The following HIPK3 variants were observed in gnomAD, a reference collection of about 807,000 sequenced individuals.
HIPK3 encodes the protein homeodomain interacting protein kinase 3.
HIPK3 carries 47 observed loss-of-function variants against 124.2 expected under a neutral mutation model. The observed-to-expected ratio is 0.38, with a 90% confidence interval of 0.30 to 0.48. HIPK3 has a LOEUF of 0.48. Among genes scored for constraint, HIPK3 ranks in the 20% least tolerant of loss-of-function variants. The probability of loss-of-function intolerance (pLI) is 0.98; values close to 1 mark genes in which losing one functional copy is unlikely to be tolerated. For missense variants in HIPK3, 1,286 were observed against 1,454.3 expected (o/e 0.88, Z 1.88); for synonymous variants, 482 against 515.2 (o/e 0.94, Z 0.87).
chr11:33,336,460 C>G (rs1449078080), intron 3 of HIPK3, among the ~76,000 whole-genome samples: 1 of 152,196 alleles, frequency 6.6e-6, no homozygotes. Flanking sequence ...CCTCTCTATT[C>G]CCATTCAGTC....
At chr11:33,323,404 T>G (rs1003102566) in intron 2 of HIPK3, among the ~76,000 whole-genome samples, 1 of 152,190 alleles carries the variant, frequency 6.6e-6, no homozygotes, top group Non-Finnish European at 1.5e-5. Context: ...CCACCACACC[T>G]GGCTAATTTT....
chr11:33,345,295 TA>T (rs769300199), intron 8 of HIPK3, among the ~76,000 whole-genome samples: 10 of 152,186 alleles, frequency 6.6e-5, no homozygotes, highest in Admixed American at 1.3e-4. Context: ...ACAACTACTA[TA>T]TTAGAGTAAA....
chr11:33,306,570 CT>C (rs1467480634), intron 2 of HIPK3, among the ~76,000 whole-genome samples: 2 of 152,184 alleles, frequency 1.3e-5, no homozygotes, highest in African/African-American at 4.8e-5. Flanking sequence ...TATTCACAGG[CT>C]TATAATTTTA....
intron 2 of HIPK3, among the ~76,000 whole-genome samples, chr11:33,325,723 C>G (rs946206604): frequency 3.3e-5 from 5 of 152,094 alleles, no homozygotes; most frequent in African/African-American, 1.2e-4. Context: ...TTACAAGGTT[C>G]TAGGTACACA....
chr11:33,295,283 C>CG (rs1554963988), intron 2 of HIPK3, among the ~76,000 whole-genome samples: 4 of 149,202 alleles, frequency 2.7e-5, no homozygotes, highest in South Asian at 2.1e-4. Flanking sequence ...CACCGCCCCC[C>CG]CCCCACAACT....
chr11:33,321,023 A>G (rs1257504880), intron 2 of HIPK3, among the ~76,000 whole-genome samples: 1 of 152,206 alleles, frequency 6.6e-6, no homozygotes, highest in African/African-American at 2.4e-5. Context: ...ATAGATTCCC[A>G]AAGACTGAGC....
intron 1 of HIPK3, among the ~76,000 whole-genome samples, chr11:33,267,269 C>T (rs558371941): frequency 6.6e-5 from 10 of 151,734 alleles, no homozygotes; most frequent in South Asian, 6.2e-4. Context: ...ACTGCCACCA[C>T]GCCCGGCTAA....
At chr11:33,339,282 A>G in intron 5 of HIPK3, 68 bp from the exon 6 acceptor site, 1 of 1,192,368 alleles carries the variant, frequency 8.4e-7, no homozygotes, top group South Asian at 1.4e-5. Flanking sequence ...TTATTTTTTA[A>G]CGGTGGAATT....
chr11:33,347,782 A>G (rs1306747791), intron 10 of HIPK3, 29 bp downstream of exon 10: 2 of 1,612,916 alleles, frequency 1.2e-6, no homozygotes, highest in African/African-American at 1.3e-5. Context: ...TACTTTGTGA[A>G]TAGTTTGCAG....
At position 33,351,887 on chromosome 11, in the gene HIPK3, G is replaced by T. The variant is rs375113529; in HGVS notation, c.3043+44G>T. On this transcript the variant is annotated intron_variant, in intron 15 of 16. Coordinates refer to ENST00000303296, the MANE Select transcript of HIPK3 (RefSeq NM_005734.5). ...TTTCTCTGGTTGTCCTTTAAATACG[G>T]TCTTAATTTAGGAAAATCTGAGAAT... 2.5e-5 allele frequency: 37 copies of T among 1,483,038 alleles called. No individual in the cohort carries two copies. In the African/African-American group the frequency reaches 5.0e-4, roughly 20 times the overall value. 91.9% of individuals were successfully genotyped at this position (1,483,038 alleles called of 1,614,324 possible). A position where few individuals can be genotyped will look rare whatever the true frequency, so the allele number is the denominator to read the frequency against.
At position 33,348,792 on chromosome 11, in the gene HIPK3, G is replaced by A. The variant is rs751541937; in HGVS notation, c.2640G>A (p.Glu880=). 3 of 1,613,848 alleles carry A rather than the reference G, an allele frequency of 1.9e-6. No homozygotes were observed. Among genetic ancestry groups the A allele is most frequent in the Non-Finnish European group, 2.5e-6 (3 of 1,179,868 alleles). Residue 880 remains glutamate, a synonymous_variant, in exon 13 of 17, where the codon GAG becomes GAA. Coordinates refer to ENST00000303296, the MANE Select transcript of HIPK3 (RefSeq NM_005734.5). Reference sequence around the variant, plus strand: ...TCAGCAGTGACACTGATGAGGAAGAGACTTCCCAGAGACATTCACTCAGAG... The same window carrying A: ...TCAGCAGTGACACTGATGAGGAAGAAACTTCCCAGAGACATTCACTCAGAG... The part of the protein sequence containing the change: ...ITISSDTDEE[E]TSQRHSLREC...
At chr11:33,327,543 T>G (rs1321437360) in intron 2 of HIPK3, among the ~76,000 whole-genome samples, 1 of 152,212 alleles carries the variant, frequency 6.6e-6, no homozygotes, top group Non-Finnish European at 1.5e-5. Flanking sequence ...AGTCTGAAGC[T>G]TAGAAGGTGG....
In HIPK3 at chr11:33,288,275, A is replaced by G. The variant is rs1851609358; in HGVS notation, c.1097+764A>G. ...CAAGACCAGCCTGGCCAACATGGCGAAACCCCCATCTCTACTAAAAATAAC... is the reference window on the plus strand; with the variant it reads ...CAAGACCAGCCTGGCCAACATGGCGGAACCCCCATCTCTACTAAAAATAAC... On this transcript the variant is annotated intron_variant, in intron 2 of 16. Coordinates refer to ENST00000303296, the MANE Select transcript of HIPK3 (RefSeq NM_005734.5). 3.3e-5 allele frequency among the ~76,000 whole-genome samples: 5 copies of G among 152,114 alleles called. No individual in the cohort carries two copies. The South Asian group carries it at 1.0e-3, about 32-fold the overall frequency.
Position 33,340,828 on chromosome 11 carries a change from A to G in HIPK3, c.1614-140A>G, listed in dbSNP as rs1853310542. On this transcript the variant is annotated intron_variant, in intron 6 of 16. Coordinates refer to ENST00000303296, the MANE Select transcript of HIPK3 (RefSeq NM_005734.5). ...TTTCTGGTAAGATTTCCTGTTAGAA[A>G]TACTATTGGAAATAAGCAGATTAAG... is the stretch of plus-strand genomic sequence containing the variant. 8.2e-6 allele frequency: 4 copies of G among 485,040 alleles called. No homozygotes were observed. In the East Asian group the frequency reaches 1.3e-4, roughly 16 times the overall value. The allele number at this position is 485,040 out of a possible 1,614,324, so 30.0% of individuals were successfully genotyped here. A position where few individuals can be genotyped will look rare whatever the true frequency, so the allele number is the denominator to read the frequency against.
At chr11:33,274,512 G>A (rs1019446390) in intron 1 of HIPK3, among the ~76,000 whole-genome samples, 2 of 152,074 alleles carry the variant, frequency 1.3e-5, no homozygotes, top group Non-Finnish European at 2.9e-5. Flanking sequence ...AAGAATTTAA[G>A]TAAAAATTTT....
At chr11:33,324,010 T>C (rs546903963) in intron 2 of HIPK3, among the ~76,000 whole-genome samples, 3 of 152,312 alleles carry the variant, frequency 2.0e-5, no homozygotes, top group Non-Finnish European at 2.9e-5. Context: ...CACATACACA[T>C]GCCCAGAGGA....
rs1336184281 is a variant in HIPK3, at chr11:33,354,370, C to T, written c.*802C>T. Reference sequence around the variant, plus strand: ...CAAGAAAAGCAAGCAGTTAGTAGTGCTTAAGAAAAATTGATTCAGTATCTA... The same window carrying T: ...CAAGAAAAGCAAGCAGTTAGTAGTGTTTAAGAAAAATTGATTCAGTATCTA... On this transcript the variant is annotated 3_prime_UTR_variant, in exon 17 of 17. Transcript: ENST00000303296. The T allele has an allele frequency of 1.3e-5, 2 of 152,534 alleles. No homozygotes were observed. Among genetic ancestry groups the T allele is most frequent in the Non-Finnish European group, 2.9e-5 (2 of 68,018 alleles). 9.4% of individuals were successfully genotyped at this position (152,534 alleles called of 1,614,324 possible).
intron 1 of HIPK3, among the ~76,000 whole-genome samples, chr11:33,279,388 A>T (rs1851355989): frequency 6.6e-6 from 1 of 151,612 alleles, no homozygotes; most frequent in African/African-American, 2.4e-5. Context: ...AGTGTATGTA[A>T]GTTTGGTCAA....
chr11:33,259,346 T>A (rs1335283913), intron 1 of HIPK3, among the ~76,000 whole-genome samples: 1 of 152,236 alleles, frequency 6.6e-6, no homozygotes, highest in Non-Finnish European at 1.5e-5. Context: ...ATATGTTTGA[T>A]AAGTCTAGAT....
Sources: allele counts gnomAD v4.1 joint callset (sites outside exome capture counted in the v4.1 genomes callset), GRCh38; gene constraint gnomAD v4.1.1; transcripts MANE v1.5; gene names NCBI Gene and HGNC (gene_info 2026-07-23, HGNC 2026-07-21).